TXLNB: variants seen among roughly 807,000 people sequenced by gnomAD.
The protein encoded by TXLNB is taxilin beta, also known as beta-taxilin.
TXLNB carries 37 observed loss-of-function variants against 57.4 expected under a neutral mutation model. The ratio of observed to expected loss-of-function variants is 0.64; its 90% CI spans 0.50 to 0.85. TXLNB has a LOEUF of 0.85. Ranked by LOEUF, TXLNB falls within the 40% of genes least tolerant of loss-of-function variation. The probability of loss-of-function intolerance (pLI) is 0.00; values close to 1 mark genes in which losing one functional copy is unlikely to be tolerated. For synonymous variants in TXLNB, 302 were observed against 309.6 expected (o/e 0.98, Z 0.26); for missense variants, 848 against 825.6 (o/e 1.03, Z -0.33).
In TXLNB at chr6:139,243,165, G is replaced by T. The variant is rs373963837; in HGVS notation, c.1416C>A (p.His472Gln). The change falls in exon 10 of 10, where the codon CAC becomes CAA. Residue 472 changes from histidine to glutamine, a missense_variant. Coordinates refer to ENST00000358430, the MANE Select transcript of TXLNB (RefSeq NM_153235.4). Reference protein sequence around the residue: ...EISEKDDQSQHNSDEEPESNV... With the variant: ...EISEKDDQSQQNSDEEPESNV... ...TTGACTCTGGCTCTTCATCGGAGTT[G>T]TGCTGACTTTGGTCATCCTTTTCAG... is the stretch of plus-strand genomic sequence containing the variant. 9 of 1,614,116 alleles carry T rather than the reference G, an allele frequency of 5.6e-6. No individual in the cohort carries two copies. Among genetic ancestry groups the T allele is most frequent in the Non-Finnish European group, 6.8e-6 (8 of 1,180,030 alleles).
chr6:139,266,436 C>T (rs139157485), intron 4 of TXLNB, among the ~76,000 whole-genome samples: 66 of 152,128 alleles, frequency 4.3e-4, no homozygotes, highest in Non-Finnish European at 8.2e-4. Context: ...AATTAAAAAT[C>T]GCAAAATCTG....
chr6:139,219,438 G>A, the TXLNB span, among the ~76,000 whole-genome samples: 4 of 152,170 alleles, frequency 2.6e-5, no homozygotes, highest in African/African-American at 9.7e-5. Context: ...TGTATGTTTG[G>A]GCAAGCAGGA....
chr6:139,164,166 C>T, the TXLNB span, among the ~76,000 whole-genome samples: 1 of 152,150 alleles, frequency 6.6e-6, no homozygotes, highest in Non-Finnish European at 1.5e-5. Context: ...AGCACCCTCC[C>T]TCTGGCCTCC....
In TXLNB at chr6:139,242,088, T is replaced by C. The variant is rs1038446652; in HGVS notation, c.*438A>G. ...CACGTATGTATATATTATGTATATG[T>C]ATAGTTTAAATGTAACCTGGGCATC... On this transcript the variant is annotated 3_prime_UTR_variant, in exon 10 of 10. Coordinates refer to ENST00000358430, the MANE Select transcript of TXLNB (RefSeq NM_153235.4). 1 of 153,712 alleles carries C rather than the reference T, an allele frequency of 6.5e-6. No homozygotes were observed. Among genetic ancestry groups the C allele is most frequent in the Non-Finnish European group, 1.4e-5 (1 of 69,148 alleles). The allele number at this position is 153,712 out of a possible 1,614,324, so 9.5% of individuals were successfully genotyped here. A position where few individuals can be genotyped will look rare whatever the true frequency, so the allele number is the denominator to read the frequency against.
chr6:139,286,532 G>A (rs1371037327), intron 2 of TXLNB, among the ~76,000 whole-genome samples: 2 of 152,046 alleles, frequency 1.3e-5, no homozygotes, highest in South Asian at 2.1e-4. Context: ...ACTAGGGGCC[G>A]GGCGCAGTGG....
At chr6:139,214,246 T>C in the TXLNB span, among the ~76,000 whole-genome samples, 49,686 of 151,968 alleles carry the variant, frequency 0.33, 10,441 homozygotes, top group Non-Finnish European at 0.47. Flanking sequence ...ACTGGCAAAC[T>C]GAATCCAGCA....
chr6:139,176,357 T>A, the TXLNB span, among the ~76,000 whole-genome samples: 2 of 152,326 alleles, frequency 1.3e-5, no homozygotes, highest in East Asian at 3.9e-4. This position sits in a 1 kb window ranked among gnomAD's most constrained non-coding sequence, Gnocchi z 4.5. Flanking sequence ...AAATTGAGTC[T>A]GTTTTATTTA....
chr6:139,270,243 A>C (rs1776723186), intron 4 of TXLNB, among the ~76,000 whole-genome samples: 1 of 152,162 alleles, frequency 6.6e-6, no homozygotes, highest in Non-Finnish European at 1.5e-5. Flanking sequence ...TTTCCCAGCC[A>C]CACAGTGAAG....
chr6:139,297,220 TTTC>T, the TXLNB span, among the ~76,000 whole-genome samples: 1 of 152,180 alleles, frequency 6.6e-6, no homozygotes, highest in Non-Finnish European at 1.5e-5. Flanking sequence ...TTCTGCCTTT[TTTC>T]TTCTTCTTCT....
the TXLNB span, among the ~76,000 whole-genome samples, chr6:139,220,124 C>T: frequency 1.3e-5 from 2 of 152,096 alleles, no homozygotes; most frequent in Admixed American, 1.3e-4. Flanking sequence ...GGATTAGTGC[C>T]CTTATAGAAG....
chr6:139,164,069 C>G, the TXLNB span, among the ~76,000 whole-genome samples: 3 of 106,902 alleles, frequency 2.8e-5, no homozygotes, highest in Non-Finnish European at 5.8e-5. Flanking sequence ...CACACACAAA[C>G]ACACACACAC....
the TXLNB span, among the ~76,000 whole-genome samples, chr6:139,186,114 T>C: frequency 6.6e-6 from 1 of 151,944 alleles, no homozygotes; most frequent in Non-Finnish European, 1.5e-5. Context: ...ACAAATGGAG[T>C]TGGAACAATT....
downstream of TXLNB, among the ~76,000 whole-genome samples, chr6:139,238,796 G>T (rs1474138524): frequency 2.0e-5 from 3 of 152,114 alleles, no homozygotes; most frequent in Admixed American, 2.0e-4. Flanking sequence ...GAACTTCGGA[G>T]GCCAGAGTCC....
In TXLNB at chr6:139,242,964, C is replaced by T. The variant is rs12529180; in HGVS notation, c.1617G>A (p.Lys539=). The T allele has an allele frequency of 0.087, 139,833 of 1,614,032 alleles. 6,563 individuals are homozygous for T. The highest frequency in any genetic ancestry group is 0.11 in the Middle Eastern group (694 of 6,062). ...SSQESADAAL[K]EPEQPPLIPS... ...GGATCAGAGGGGGTTGCTCTGGCTCCTTGAGAGCGGCGTCAGCACTCTCCT... is the reference window on the plus strand; with the variant it reads ...GGATCAGAGGGGGTTGCTCTGGCTCTTTGAGAGCGGCGTCAGCACTCTCCT... The change falls in exon 10 of 10, where the codon AAG becomes AAA. Residue 539 remains lysine, a synonymous_variant. Coordinates refer to ENST00000358430, the MANE Select transcript of TXLNB (RefSeq NM_153235.4).
the TXLNB span, chr6:139,176,805 C>T: frequency 7.9e-6 from 5 of 632,040 alleles, no homozygotes; most frequent in Middle Eastern, 4.4e-4. The surrounding 1 kb of genome is among the most constrained non-coding windows in gnomAD (Gnocchi z 4.5). Flanking sequence ...AGGTATACCC[C>T]GTTTCCATGT....
chr6:139,200,451 A>G, the TXLNB span, among the ~76,000 whole-genome samples: 1 of 152,232 alleles, frequency 6.6e-6, no homozygotes, highest in Non-Finnish European at 1.5e-5. Context: ...ATGTTTAGCG[A>G]GGACCCTGTC....
the TXLNB span, among the ~76,000 whole-genome samples, chr6:139,221,305 CA>C: frequency 7.2e-6 from 1 of 139,498 alleles, no homozygotes; most frequent in Non-Finnish European, 1.6e-5. Context: ...CAAACAATTA[CA>C]CTGCAGAAAA....
the TXLNB span, among the ~76,000 whole-genome samples, chr6:139,191,042 C>G: frequency 2.6e-5 from 4 of 152,158 alleles, no homozygotes; most frequent in African/African-American, 9.7e-5. Flanking sequence ...GAATCAAGAC[C>G]TCTAGAGCTG....
chr6:139,173,855 T>C, the TXLNB span, among the ~76,000 whole-genome samples: 1 of 152,218 alleles, frequency 6.6e-6, no homozygotes, highest in Non-Finnish European at 1.5e-5. Flanking sequence ...TTAGATGTGG[T>C]GATGGCTGAG....
Sources: gnomAD v4.1 joint callset for allele counts (sites outside exome capture counted in the v4.1 genomes callset) on GRCh38, gnomAD v4.1.1 for gene constraint, Gnocchi (gnomAD v3.1) non-coding constraint, MANE v1.5 for transcripts, NCBI Gene and HGNC (gene_info 2026-07-23, HGNC 2026-07-21) for gene names.